GRM7: variants seen among roughly 807,000 people sequenced by gnomAD.
GRM7 encodes the protein metabotropic glutamate receptor 7.
GRM7 carries 35 observed loss-of-function variants against 84.5 expected under a neutral mutation model. The observed-to-expected ratio is 0.41, with a 90% CI of 0.32 to 0.55. The LOEUF is 0.55. Among genes scored for constraint, GRM7 ranks in the 20% least tolerant of loss-of-function variants. The probability of loss-of-function intolerance (pLI) is 0.19; values close to 1 mark genes in which losing one functional copy is unlikely to be tolerated. For synonymous variants in GRM7, 487 were observed against 455.1 expected (o/e 1.07, Z -0.89); for missense variants, 1,003 against 1,194.6 (o/e 0.84, Z 2.36).
intron 2 of GRM7, among the ~76,000 whole-genome samples, chr3:7,261,244 A>C (rs1698410782): frequency 6.6e-6 from 1 of 152,218 alleles, no homozygotes; most frequent in African/African-American, 2.4e-5. Context: ...TATTTAAAAC[A>C]GCTTGCATTA....
intron 7 of GRM7, among the ~76,000 whole-genome samples, chr3:7,572,590 C>T (rs764015761): frequency 2.0e-5 from 3 of 151,360 alleles, no homozygotes; most frequent in Non-Finnish European, 4.4e-5. Flanking sequence ...GAGGCTGAAG[C>T]GGGCGGATCA....
At chr3:7,601,231 C>CCTTCTGA (rs1264620198) in intron 8 of GRM7, among the ~76,000 whole-genome samples, 2 of 152,138 alleles carry the variant, frequency 1.3e-5, no homozygotes, top group Non-Finnish European at 2.9e-5. Context: ...CTGTCATTCA[C>CCTTCTGA]CTTCTGACTT....
chr3:7,668,293 G>A (rs1230405768), intron 8 of GRM7, among the ~76,000 whole-genome samples: 1 of 152,110 alleles, frequency 6.6e-6, no homozygotes, highest in Non-Finnish European at 1.5e-5. Flanking sequence ...CCAAAGATTG[G>A]AAATGGAATC....
At chr3:7,693,167 C>CT (rs1326705567) in intron 9 of GRM7, among the ~76,000 whole-genome samples, 1 of 152,100 alleles carries the variant, frequency 6.6e-6, no homozygotes, top group Non-Finnish European at 1.5e-5. Flanking sequence ...TTGACATCTA[C>CT]TGGTCATCCT....
Position 7,452,789 on chromosome 3 carries a change from C to T in GRM7, c.1357C>T (p.Arg453Cys), listed in dbSNP as rs1184581533. 1.2e-6 allele frequency: 2 copies of T among 1,609,612 alleles called. No homozygotes were observed. The highest frequency in any genetic ancestry group is 1.7e-6 in the Non-Finnish European group (2 of 1,176,494). Residue 453 changes from arginine (R) to cysteine (C), a missense_variant, in exon 6 of 10, where the codon CGC becomes TGC. Around this residue, in one of 2 missense-constraint regions of GRM7, gnomAD observed 910 missense variants for 1,126.0 expected, o/e 0.81. Transcript: ENST00000357716. ...AGGKKLLKYI[R>C]NVNFNGSAGT... ...AGGCAAGAAGTTGCTGAAGTATATA[C>T]GCAATGTTAATTTCAATGGTGAGTC... is the stretch of plus-strand genomic sequence containing the variant.
intron 1 of GRM7, among the ~76,000 whole-genome samples, chr3:6,872,390 C>T (rs1243294192): frequency 6.6e-6 from 1 of 152,132 alleles, no homozygotes; most frequent in Non-Finnish European, 1.5e-5. Context: ...TCTTTGTTTG[C>T]CTTGATCTCA....
intron 1 of GRM7, among the ~76,000 whole-genome samples, chr3:6,905,890 A>C (rs1696557141): frequency 6.6e-6 from 1 of 152,168 alleles, no homozygotes; most frequent in South Asian, 2.1e-4. Flanking sequence ...TGATTTAACT[A>C]ATGTAGTCAA....
intron 2 of GRM7, among the ~76,000 whole-genome samples, chr3:7,183,494 G>T (rs1246014842): frequency 6.6e-6 from 1 of 152,164 alleles, no homozygotes; most frequent in East Asian, 1.9e-4. Flanking sequence ...GGGCGTGGTG[G>T]TGCATGCCTG....
chr3:7,733,893 A>G (rs912067393), intron 9 of GRM7, among the ~76,000 whole-genome samples: 5 of 152,170 alleles, frequency 3.3e-5, no homozygotes, highest in African/African-American at 1.2e-4. Flanking sequence ...GTCCAAATCA[A>G]TGCCCCTTCC....
At chr3:7,535,124 A>G (rs1032869469) in intron 7 of GRM7, 2 of 152,134 alleles carry the variant, frequency 1.3e-5, no homozygotes, top group African/African-American at 4.8e-5. Flanking sequence ...AAGTGGGAAA[A>G]TATTTCCCAA....
chr3:7,578,628 C>T lies in GRM7; in HGVS notation c.1722C>T (p.Thr574=), dbSNP rs763131797. 1.5e-5 allele frequency: 25 copies of T among 1,613,800 alleles called. No homozygotes were observed. Among genetic ancestry groups the T allele is most frequent in the Middle Eastern group, 1.6e-4 (1 of 6,082 alleles). ...ACCAGAGGCCCAATGAAAATCGAAC[C>T]GGATGCCAGGATATTCCCATCATCA... ...PYDQRPNENR[T]GCQDIPIIKL... is the part of the protein sequence containing the mutation. Residue 574 remains threonine (T), a synonymous_variant, in exon 8 of 10, where the codon ACC becomes ACT. Transcript: ENST00000357716.
intron 2 of GRM7, among the ~76,000 whole-genome samples, chr3:7,182,896 GTTTTTTTT>G (rs5846493): frequency 9.0e-6 from 1 of 110,748 alleles, no homozygotes; most frequent in South Asian, 3.4e-4. Context: ...ACGTGAAAGT[GTTTTTTTT>G]TTTTTTTTTT....
intron 1 of GRM7, among the ~76,000 whole-genome samples, chr3:7,139,128 T>C (rs980537970): frequency 2.7e-5 from 4 of 148,062 alleles, no homozygotes; most frequent in Non-Finnish European, 4.5e-5. Flanking sequence ...TATTATACTA[T>C]ATAGATACTA....
intron 1 of GRM7, among the ~76,000 whole-genome samples, chr3:6,965,798 T>A (rs1259786167): frequency 6.6e-6 from 1 of 152,018 alleles, no homozygotes; most frequent in Non-Finnish European, 1.5e-5. Context: ...CTCTGGGGAG[T>A]AAATGAGCAA....
intron 2 of GRM7, among the ~76,000 whole-genome samples, chr3:7,173,430 A>G (rs1233163275): frequency 6.6e-6 from 1 of 152,062 alleles, no homozygotes; most frequent in Admixed American, 6.6e-5. Flanking sequence ...TAACAGTCTT[A>G]TAAAATGCAT....
intron 1 of GRM7, among the ~76,000 whole-genome samples, chr3:7,050,238 A>G (rs77953221): frequency 0.02 from 2,981 of 152,010 alleles, 105 homozygotes; most frequent in African/African-American, 0.068. Context: ...TGTAAAATAG[A>G]AGACTTGTTT....
At chr3:7,686,968 G>A (rs768104539) in intron 9 of GRM7, among the ~76,000 whole-genome samples, 1 of 152,150 alleles carries the variant, frequency 6.6e-6, no homozygotes. Context: ...CTTTCCATCT[G>A]TAATTCAAAG....
chr3:7,565,853 C>A (rs562289178), intron 7 of GRM7, among the ~76,000 whole-genome samples: 1 of 152,178 alleles, frequency 6.6e-6, no homozygotes, highest in Non-Finnish European at 1.5e-5. Context: ...AAGGAAGTAA[C>A]CTTTATCTGT....
intron 6 of GRM7, among the ~76,000 whole-genome samples, chr3:7,454,932 C>T (rs906220497): frequency 6.6e-6 from 1 of 151,956 alleles, no homozygotes; most frequent in Non-Finnish European, 1.5e-5. Context: ...TTATAAATAC[C>T]ATTGTTAAAT....
Sources: gnomAD v4.1 joint callset for allele counts (sites outside exome capture counted in the v4.1 genomes callset) on GRCh38, gnomAD v4.1.1 for gene constraint, gnomAD v4.1.1 regional missense constraint, MANE v1.5 for transcripts, NCBI Gene and HGNC (gene_info 2026-07-23, HGNC 2026-07-21) for gene names.